EIF4B: variants seen among roughly 807,000 people sequenced by gnomAD.
EIF4B encodes eukaryotic translation initiation factor 4B.
EIF4B carries 8 observed loss-of-function variants against 79.3 expected under a neutral mutation model. That is an observed-to-expected ratio of 0.10 (90% CI 0.06 to 0.18). The LOEUF (loss-of-function observed/expected upper bound fraction) is 0.18. Ranked by LOEUF, EIF4B falls within the 10% of genes least tolerant of loss-of-function variation. The pLI is 1.00. For synonymous variants in EIF4B, 238 were observed against 274.7 expected (o/e 0.87, Z 1.32); for missense variants, 515 against 792.4 (o/e 0.65, Z 4.20).
At chr12:53,007,217 C>T (rs899184369) in intron 1 of EIF4B, among the ~76,000 whole-genome samples, 2 of 151,914 alleles carry the variant, frequency 1.3e-5, no homozygotes, top group Non-Finnish European at 2.9e-5. Flanking sequence ...GTGCTATTGG[C>T]GTTAGATGGG....
chr12:53,021,137 G>A (rs1461340573), intron 4 of EIF4B, among the ~76,000 whole-genome samples: 1 of 152,184 alleles, frequency 6.6e-6, no homozygotes, highest in Non-Finnish European at 1.5e-5. Flanking sequence ...TGGGTTCAAA[G>A]TATATAAATA....
chr12:53,022,289 G>A (rs1943257590), intron 5 of EIF4B: 1 of 750,876 alleles, frequency 1.3e-6, no homozygotes, highest in African/African-American at 1.7e-5. Context: ...AGATAGCTAA[G>A]CATTAAACCA....
chr12:53,023,610 T>C (rs1388836318), intron 6 of EIF4B, among the ~76,000 whole-genome samples: 1 of 128,840 alleles, frequency 7.8e-6, no homozygotes, highest in Non-Finnish European at 1.6e-5. Flanking sequence ...TGAGACAGAG[T>C]TTCGCTCTTG....
At chr12:53,019,863 TGAA>T (rs1565586468) in intron 3 of EIF4B, 44 bp from the exon 4 acceptor site, 11 of 1,572,958 alleles carry the variant, frequency 7.0e-6, no homozygotes, top group South Asian at 1.1e-5. Context: ...AAATGACAAA[TGAA>T]GAAGAATGCT....
intron 1 of EIF4B, among the ~76,000 whole-genome samples, chr12:53,009,494 CA>C (rs10561811): frequency 2.7e-5 from 4 of 148,272 alleles, no homozygotes; most frequent in African/African-American, 9.9e-5. Flanking sequence ...GACTCCGTCT[CA>C]AAAAAAAAAA....
At chr12:53,019,602 A>G (rs750872287) in intron 3 of EIF4B, among the ~76,000 whole-genome samples, 20 of 150,042 alleles carry the variant, frequency 1.3e-4, no homozygotes, top group Non-Finnish European at 2.8e-4. Flanking sequence ...CTGACCTCAG[A>G]GGATCCACCT....
Position 53,039,325 on chromosome 12 carries a change from A to G in EIF4B, c.1664A>G (p.His555Arg). The G allele has an allele frequency of 1.9e-6, 3 of 1,607,898 alleles. No homozygotes were observed. Residue 555 changes from histidine to arginine, a missense_variant, in exon 13 of 15, where the codon CAC (histidine) becomes CGC (arginine). Coordinates refer to ENST00000262056, the MANE Select transcript of EIF4B (RefSeq NM_001417.7). ...CCAGGCGACGGAGGGAACAGAGACCACTGGAAGGAGTCAGATAGGTATGCT... is the reference window on the plus strand; with the variant it reads ...CCAGGCGACGGAGGGAACAGAGACCGCTGGAAGGAGTCAGATAGGTATGCT... ...RGPGDGGNRD[H>R]WKESDRKDGK...
At chr12:53,018,217 G>C (rs1307959751) in intron 2 of EIF4B, among the ~76,000 whole-genome samples, 2 of 152,164 alleles carry the variant, frequency 1.3e-5, no homozygotes, top group Non-Finnish European at 2.9e-5. Flanking sequence ...TCTCAAACCT[G>C]ACCTCAGGTG....
intron 4 of EIF4B, among the ~76,000 whole-genome samples, chr12:53,021,093 T>C (rs1303548182): frequency 2.0e-5 from 3 of 152,206 alleles, no homozygotes; most frequent in Non-Finnish European, 4.4e-5. Flanking sequence ...TAGATTCTAC[T>C]ATGAAATGAG....
intron 1 of EIF4B, among the ~76,000 whole-genome samples, chr12:53,011,888 C>G (rs536090277): frequency 1.3e-5 from 2 of 152,164 alleles, no homozygotes; most frequent in Non-Finnish European, 2.9e-5. Flanking sequence ...ACTTTTTAAC[C>G]AGTTCACATA....
At chr12:53,015,516 TAAA>T (rs1943133604) in intron 1 of EIF4B, among the ~76,000 whole-genome samples, 1 of 150,616 alleles carries the variant, frequency 6.6e-6, no homozygotes, top group South Asian at 2.1e-4. Flanking sequence ...CATAGGGAAT[TAAA>T]AAACTTTTTA....
intron 6 of EIF4B, among the ~76,000 whole-genome samples, chr12:53,027,135 A>T (rs1592222464): frequency 5.9e-5 from 1 of 16,912 alleles, no homozygotes; most frequent in African/African-American, 8.5e-5. Context: ...AAAAAAAAAA[A>T]AATTTTTTTT....
At chr12:53,038,324 C>A in intron 11 of EIF4B, 32 bp from the exon 12 acceptor site, 1 of 1,550,918 alleles carries the variant, frequency 6.4e-7, no homozygotes, top group African/African-American at 1.4e-5. Context: ...CCTGAAACAA[C>A]TGATGAATGT....
intron 2 of EIF4B, among the ~76,000 whole-genome samples, chr12:53,017,083 T>C (rs555897244): frequency 6.6e-6 from 1 of 152,164 alleles, no homozygotes; most frequent in South Asian, 2.1e-4. Flanking sequence ...TGAAAACCCA[T>C]CTCTACTAAA....
chr12:53,028,114 A>T lies in EIF4B; in HGVS notation c.905A>T (p.Tyr302Phe). The change falls in exon 8 of 15, where the codon TAT becomes TTT. Residue 302 changes from tyrosine to phenylalanine, a missense_variant. Tyr to Phe is a conservative substitution (Grantham distance 22). Coordinates refer to ENST00000262056, the MANE Select transcript of EIF4B (RefSeq NM_001417.7). ...GGCGGGGACCGCTATGAAGACCGAT[A>T]TGACAGACGGGATGATCGGTCGTGG... is the stretch of plus-strand genomic sequence containing the variant. Reference protein sequence around the residue: ...RGGGDRYEDRYDRRDDRSWSS... With the variant: ...RGGGDRYEDRFDRRDDRSWSS... 1 of 1,614,114 alleles carries T rather than the reference A, an allele frequency of 6.2e-7. No homozygotes were observed. Among genetic ancestry groups the T allele is most frequent in the South Asian group, 1.1e-5 (1 of 91,060 alleles).
At chr12:53,028,606 C>A (rs890893473) in intron 8 of EIF4B, among the ~76,000 whole-genome samples, 1 of 150,748 alleles carries the variant, frequency 6.6e-6, no homozygotes, top group Non-Finnish European at 1.5e-5. Context: ...GGAAACACAG[C>A]AGTCGAATTG....
chr12:53,007,842 T>C (rs1942994896), intron 1 of EIF4B, among the ~76,000 whole-genome samples: 1 of 152,216 alleles, frequency 6.6e-6, no homozygotes, highest in Non-Finnish European at 1.5e-5. Flanking sequence ...CAAGCACTTT[T>C]GTGCATGTTG....
chr12:53,009,921 T>C (rs2120881297), intron 1 of EIF4B, among the ~76,000 whole-genome samples: 1 of 152,338 alleles, frequency 6.6e-6, no homozygotes, highest in South Asian at 2.1e-4. Context: ...TTCGTGATGG[T>C]AGAGGAAATA....
chr12:53,015,503 C>CAACAT (rs1186540165), intron 1 of EIF4B, among the ~76,000 whole-genome samples: 1 of 151,394 alleles, frequency 6.6e-6, no homozygotes, highest in East Asian at 1.9e-4. Context: ...CCAGCCTGGG[C>CAACAT]AACATAGGGA....
Sources: gnomAD v4.1 joint callset for allele counts (sites outside exome capture counted in the v4.1 genomes callset) on GRCh38, gnomAD v4.1.1 for gene constraint, MANE v1.5 for transcripts, NCBI Gene and HGNC (gene_info 2026-07-23, HGNC 2026-07-21) for gene names.